The following CNOT8 variants were observed in gnomAD, a reference collection of about 807,000 sequenced individuals.
CNOT8 encodes the protein CAF1-like protein.
A neutral mutation model predicts 34.6 loss-of-function variants in CNOT8; 18 were observed. That is an observed-to-expected ratio of 0.52 (90% CI 0.36 to 0.77). The LOEUF (loss-of-function observed/expected upper bound fraction) is 0.77. Among genes scored for constraint, CNOT8 ranks in the 30% least tolerant of loss-of-function variants. CNOT8 has a pLI of 0.00. For synonymous variants in CNOT8, 101 were observed against 118.8 expected (o/e 0.85, Z 0.98); for missense variants, 189 against 347.9 (o/e 0.54, Z 3.63).
intron 3 of CNOT8, among the ~76,000 whole-genome samples, chr5:154,869,517 TC>T (rs756046375): frequency 6.6e-6 from 1 of 151,194 alleles, no homozygotes; most frequent in Non-Finnish European, 1.5e-5. Context: ...CCATCTTGGC[TC>T]ACTGCAGCCT....
At position 154,863,290 on chromosome 5, in the gene CNOT8, A is replaced by G. The variant is rs1761529284; in HGVS notation, c.12A>G (p.Ala4=). 6.2e-7 allele frequency: 1 copy of G among 1,613,852 alleles called. No homozygotes were observed. Among genetic ancestry groups the G allele is most frequent in the East Asian group, 2.2e-5 (1 of 44,886 alleles). MPA[A]LVENSQVICE... is the part of the protein sequence containing the mutation. ...CAGGTTTCTTCAGGATGCCTGCAGCACTTGTGGAGAATAGCCAGGTTATCT... is the reference window on the plus strand; with the variant it reads ...CAGGTTTCTTCAGGATGCCTGCAGCGCTTGTGGAGAATAGCCAGGTTATCT... The change falls in exon 2 of 7, where the codon GCA becomes GCG. Residue 4 remains alanine (A), a synonymous_variant. Coordinates refer to ENST00000285896, the MANE Select transcript of CNOT8 (RefSeq NM_001301073.2).
chr5:154,871,586 C>T, intron 4 of CNOT8, 144 bp from the exon 5 acceptor site: 1 of 343,824 alleles, frequency 2.9e-6, no homozygotes, highest in South Asian at 3.3e-5. Flanking sequence ...AAAAAAGATT[C>T]AGATTATAGT....
intron 1 of CNOT8, among the ~76,000 whole-genome samples, chr5:154,861,611 A>G (rs1582570846): frequency 1.3e-5 from 2 of 152,242 alleles, no homozygotes; most frequent in Admixed American, 6.5e-5. Context: ...TTTTCTTTAA[A>G]TATATACATT....
At chr5:154,863,452 T>C (rs1761548582) in intron 2 of CNOT8, 57 bp downstream of exon 2, 2 of 1,296,368 alleles carry the variant, frequency 1.5e-6, no homozygotes, top group Non-Finnish European at 2.2e-6. Context: ...GGGGTCTTGC[T>C]CTGTTGCCCA....
At position 154,876,782 on chromosome 5, in the gene CNOT8, A is replaced by T. The variant is rs1762950581; in HGVS notation, c.*1343A>T. On this transcript the variant is annotated 3_prime_UTR_variant, in exon 7 of 7. Transcript: ENST00000285896. The stretch of plus-strand genomic sequence containing the variant: ...TTTTGTAAAATAAAGATTTCTTTTT[A>T]ACCACTGGCATTAAGGTTTGGTCTT... 1 of 152,650 alleles carries T rather than the reference A, an allele frequency of 6.6e-6. No individual in the cohort carries two copies. The highest frequency in any genetic ancestry group is 1.5e-5 in the Non-Finnish European group (1 of 68,036). 9.5% of individuals were successfully genotyped at this position (152,650 alleles called of 1,614,324 possible). A position where few individuals can be genotyped will look rare whatever the true frequency, so the allele number is the denominator to read the frequency against.
chr5:154,875,367 G>A lies in CNOT8; in HGVS notation c.807G>A (p.Lys269=), dbSNP rs775284433. 2.0e-5 allele frequency: 33 copies of A among 1,613,998 alleles called. No individual in the cohort carries two copies. In the Admixed American group the frequency reaches 5.5e-4, roughly 27 times the overall value. The change falls in exon 7 of 7, where the codon AAG becomes AAA. Residue 269 remains lysine (K), a synonymous_variant. Transcript: ENST00000285896. ...LYGLGTGVAQ[K]QNEDVDSAQE... is the part of the protein sequence containing the mutation. ...GCTTAGGCACAGGAGTGGCCCAGAAGCAGAATGAGGATGTGGACTCTGCCC... is the reference window on the plus strand; with the variant it reads ...GCTTAGGCACAGGAGTGGCCCAGAAACAGAATGAGGATGTGGACTCTGCCC...
chr5:154,864,995 T>C (rs529510418), intron 2 of CNOT8, among the ~76,000 whole-genome samples, 197 bp from the exon 3 acceptor site: 1 of 152,268 alleles, frequency 6.6e-6, no homozygotes, highest in South Asian at 2.1e-4. Flanking sequence ...TGAGCTGTGA[T>C]TGTGCCACTG....
intron 3 of CNOT8, 73 bp downstream of exon 3, chr5:154,865,458 G>A: frequency 9.2e-7 from 1 of 1,082,662 alleles, no homozygotes; most frequent in Admixed American, 3.0e-5. Flanking sequence ...GTTGGATAGA[G>A]CGGTCAAGCA....
intron 5 of CNOT8, 88 bp from the exon 6 acceptor site, chr5:154,872,453 A>C (rs1233283868): frequency 1.4e-6 from 1 of 698,370 alleles, no homozygotes; most frequent in African/African-American, 1.8e-5. Flanking sequence ...TCTTGCTAGA[A>C]TTCAGTGAAC....
At chr5:154,874,601 C>T (rs1314046388) in intron 6 of CNOT8, among the ~76,000 whole-genome samples, 1 of 151,990 alleles carries the variant, frequency 6.6e-6, no homozygotes, top group Non-Finnish European at 1.5e-5. Flanking sequence ...GTGGTGTGAT[C>T]TCAGTTCACT....
chr5:154,873,268 A>G (rs1762649968), intron 6 of CNOT8, among the ~76,000 whole-genome samples: 1 of 152,158 alleles, frequency 6.6e-6, no homozygotes, highest in Non-Finnish European at 1.5e-5. Context: ...TTGTTATGGT[A>G]TTCTGCATGT....
At chr5:154,869,698 C>T (rs1762282871) in intron 3 of CNOT8, among the ~76,000 whole-genome samples, 1 of 150,254 alleles carries the variant, frequency 6.7e-6, no homozygotes, top group Admixed American at 6.6e-5. Context: ...GAGCTTGGCT[C>T]ACTACAACCT....
intron 1 of CNOT8, among the ~76,000 whole-genome samples, chr5:154,861,549 C>T (rs1761339216): frequency 6.6e-6 from 1 of 152,168 alleles, no homozygotes; most frequent in Non-Finnish European, 1.5e-5. Context: ...AAAGATTTTC[C>T]TTGCTCTGTC....
rs753977295 is a variant in CNOT8 at position 154,871,814 on chromosome 5, C to T, written c.558C>T (p.Asn186=). The T allele has an allele frequency of 1.2e-6, 2 of 1,613,790 alleles. No homozygotes were observed. Among genetic ancestry groups the T allele is most frequent in the Admixed American group, 1.7e-5 (1 of 59,994 alleles). The part of the protein sequence containing the change: ...EEEHEFFHIL[N]LFFPSIYDVK... ...AACATGAATTCTTTCATATTCTGAACCTTTTCTTCCCATCCATTTATGATG... is the reference window on the plus strand; with the variant it reads ...AACATGAATTCTTTCATATTCTGAATCTTTTCTTCCCATCCATTTATGATG... Residue 186 remains asparagine (N), a synonymous_variant, in exon 5 of 7, where the codon AAC becomes AAT. Transcript: ENST00000285896.
chr5:154,858,374 T>A (rs1330723689), upstream of CNOT8: 1 of 152,254 alleles, frequency 6.6e-6, no homozygotes, highest in African/African-American at 2.4e-5. Flanking sequence ...TCCCCACCTA[T>A]TCGGCGGCAC....
Position 154,872,907 on chromosome 5 carries a change from T to TA in CNOT8, c.729+257dup, listed in dbSNP as rs541037440. On this transcript the variant is annotated intron_variant, in intron 6 of 6. Coordinates refer to ENST00000285896, the MANE Select transcript of CNOT8 (RefSeq NM_001301073.2). ...CCTCAGCCTCCTGAGTAGCTGGGAT[T>TA]ATAGGTGCCCGCCACCATGCCCTAC... Among the ~76,000 whole-genome samples, 11 of 152,290 alleles carry TA rather than the reference T, an allele frequency of 7.2e-5. No homozygotes were observed. In the South Asian group the frequency reaches 1.7e-3, roughly 23 times the overall value.
chr5:154,869,814 A>G (rs931509770), intron 3 of CNOT8, among the ~76,000 whole-genome samples: 21 of 151,702 alleles, frequency 1.4e-4, no homozygotes, highest in African/African-American at 5.1e-4. Context: ...TAGTAGAGAG[A>G]GGGTTTCACC....
chr5:154,864,383 G>A (rs891696946), intron 2 of CNOT8, among the ~76,000 whole-genome samples: 6 of 151,952 alleles, frequency 3.9e-5, no homozygotes, highest in Non-Finnish European at 8.8e-5. Context: ...GCGTGAACCC[G>A]GGAGGCAGAG....
chr5:154,868,936 C>T (rs1009780655), intron 3 of CNOT8, among the ~76,000 whole-genome samples: 10 of 152,148 alleles, frequency 6.6e-5, no homozygotes, highest in Admixed American at 5.2e-4. Flanking sequence ...GTCTTTTGCT[C>T]ATGGGCCTTG....
Sources: allele counts gnomAD v4.1 joint callset (sites outside exome capture counted in the v4.1 genomes callset), GRCh38; gene constraint gnomAD v4.1.1; transcripts MANE v1.5; gene names NCBI Gene and HGNC (gene_info 2026-07-23, HGNC 2026-07-21).